Variants in GNB1 observed in about 807,000 individuals in gnomAD.
The protein encoded by GNB1 is G protein subunit beta 1, also known as guanine nucleotide-binding protein G(I)/G(S)/G(T) subunit beta-1.
A neutral mutation model predicts 42.9 loss-of-function variants in GNB1; 2 were observed. That is an observed-to-expected ratio of 0.05 (90% CI 0.02 to 0.15). The LOEUF (loss-of-function observed/expected upper bound fraction) is 0.15, where lower values mean the gene tolerates loss of function less well. GNB1 is among the 10% of genes least tolerant of loss of function. The pLI, the probability that GNB1 is intolerant of heterozygous loss-of-function variation, is 1.00. For synonymous variants in GNB1, 183 were observed against 174.7 expected, an observed-to-expected ratio of 1.05 and a Z score of -0.38; for missense variants, 193 against 462.2, an observed-to-expected ratio of 0.42 and a Z score of 5.34.
At chr1:1,832,222 T>C (rs560491049) in intron 2 of GNB1, 2 of 152,158 alleles carry the variant, frequency 1.3e-5, no homozygotes, top group Admixed American at 6.5e-5. Context: ...ATTTTAAAAG[T>C]CTTACTCACA....
intron 4 of GNB1, among the ~76,000 whole-genome samples, chr1:1,817,133 C>T (rs1646869014): frequency 1.3e-5 from 2 of 152,184 alleles, no homozygotes; most frequent in Admixed American, 1.3e-4. Context: ...CTGCTGGCCA[C>T]TAGTCCACTC....
chr1:1,805,935 A>G (rs1646690798), intron 6 of GNB1, among the ~76,000 whole-genome samples: 1 of 152,240 alleles, frequency 6.6e-6, no homozygotes, highest in South Asian at 2.1e-4. Flanking sequence ...GCTGTAATTA[A>G]TGCAATCATT....
At chr1:1,856,911 G>A (rs958185341) in intron 1 of GNB1, among the ~76,000 whole-genome samples, 1 of 152,204 alleles carries the variant, frequency 6.6e-6, no homozygotes, top group Non-Finnish European at 1.5e-5. Context: ...TCACTCTTCT[G>A]AGGGAAGTAT....
chr1:1,841,179 T>C (rs945849873), intron 1 of GNB1, among the ~76,000 whole-genome samples: 2 of 151,880 alleles, frequency 1.3e-5, no homozygotes, highest in African/African-American at 4.8e-5. Flanking sequence ...CGTGAGCCAC[T>C]GCACATGGCC....
At chr1:1,867,984 G>A (rs192595746) in intron 1 of GNB1, among the ~76,000 whole-genome samples, 11 of 152,090 alleles carry the variant, frequency 7.2e-5, no homozygotes, top group South Asian at 2.1e-4. Flanking sequence ...ACTAGGAAAC[G>A]TTCCCCCTTT....
chr1:1,856,649 A>G (rs1174567465), intron 1 of GNB1, among the ~76,000 whole-genome samples: 5 of 150,946 alleles, frequency 3.3e-5, no homozygotes, highest in Non-Finnish European at 7.4e-5. Flanking sequence ...GATAGTCTCC[A>G]TCTCTTCACC....
intron 7 of GNB1, among the ~76,000 whole-genome samples, chr1:1,800,775 A>T (rs1646614909): frequency 1.3e-5 from 2 of 152,002 alleles, no homozygotes; most frequent in Admixed American, 6.5e-5. Flanking sequence ...AAAAAAAGAA[A>T]AATAAATTAA....
intron 1 of GNB1, among the ~76,000 whole-genome samples, chr1:1,845,881 C>T (rs531331190): frequency 6.8e-6 from 1 of 146,870 alleles, no homozygotes; most frequent in East Asian, 2.0e-4. Context: ...ACGTATATCT[C>T]CTATCTCTTG....
chr1:1,819,074 AG>A (rs2100908135), intron 3 of GNB1, among the ~76,000 whole-genome samples: 1 of 152,266 alleles, frequency 6.6e-6, no homozygotes, highest in East Asian at 1.9e-4. Context: ...TTCATTACTA[AG>A]GGATCAAAGT....
At position 1,854,876 on chromosome 1, in the gene GNB1, T is replaced by C. The variant is rs115145163; in HGVS notation, c.-95-15638A>G. Among the ~76,000 whole-genome samples, 1,253 of 152,184 alleles carry C rather than the reference T, an allele frequency of 8.2e-3. 21 individuals are homozygous for C. Among genetic ancestry groups the C allele is most frequent in the African/African-American group, 0.029 (1,216 of 41,518 alleles). ...GGTGAAACCCCATCTCTACTAAAAA[T>C]ACATCCGGGCGTGGTGGCTCACGCC... On this transcript the variant is annotated intron_variant, in intron 1 of 11. Coordinates refer to ENST00000378609, the MANE Select transcript of GNB1 (RefSeq NM_002074.5).
chr1:1,879,660 G>A (rs370114086), intron 1 of GNB1, among the ~76,000 whole-genome samples: 8 of 148,554 alleles, frequency 5.4e-5, no homozygotes, highest in East Asian at 2.0e-4. Context: ...AGCCAAGATC[G>A]CACCACTGCA....
intron 1 of GNB1, among the ~76,000 whole-genome samples, 180 bp downstream of exon 1, chr1:1,890,640 G>A (rs924987676): frequency 2.7e-5 from 4 of 147,796 alleles, no homozygotes; most frequent in African/African-American, 9.8e-5. Flanking sequence ...CCCCGACCCT[G>A]CACCCCGAAC....
intron 4 of GNB1, 43 bp from the exon 5 acceptor site, chr1:1,815,905 A>C: frequency 8.4e-7 from 1 of 1,196,168 alleles, no homozygotes; most frequent in Non-Finnish European, 1.2e-6. Flanking sequence ...TCTGTGATTA[A>C]ACGATTCTCC....
intron 1 of GNB1, among the ~76,000 whole-genome samples, chr1:1,889,312 T>C (rs1477610099): frequency 6.6e-6 from 1 of 152,204 alleles, no homozygotes; most frequent in Non-Finnish European, 1.5e-5. Flanking sequence ...TTGAGACTAA[T>C]GTTATCAGAT....
chr1:1,827,425 G>A (rs929903010), intron 2 of GNB1, among the ~76,000 whole-genome samples: 1 of 152,208 alleles, frequency 6.6e-6, no homozygotes, highest in Non-Finnish European at 1.5e-5. Context: ...TTTTAATCAT[G>A]AGGAAAGCTT....
intron 1 of GNB1, among the ~76,000 whole-genome samples, chr1:1,881,270 C>G (rs1649832128): frequency 6.6e-6 from 1 of 152,120 alleles, no homozygotes; most frequent in Non-Finnish European, 1.5e-5. Flanking sequence ...GGTCCAGACC[C>G]CTTTCCTCTT....
intron 1 of GNB1, among the ~76,000 whole-genome samples, chr1:1,856,729 A>C (rs1203729370): frequency 6.6e-6 from 1 of 152,152 alleles, no homozygotes; most frequent in Non-Finnish European, 1.5e-5. Flanking sequence ...CCTGGCCTAG[A>C]ATTTCTTAAT....
At chr1:1,788,812 T>G (rs1040640620) in intron 10 of GNB1, 6 of 482,064 alleles carry the variant, frequency 1.2e-5, no homozygotes, top group Non-Finnish European at 1.9e-5. Flanking sequence ...GACCCTCTCC[T>G]GCCCACTGAC....
At chr1:1,880,250 A>C (rs1649766783) in intron 1 of GNB1, among the ~76,000 whole-genome samples, 1 of 152,192 alleles carries the variant, frequency 6.6e-6, no homozygotes. Context: ...GTATTTCTAT[A>C]GAATTTTTAT....
Sources: allele counts gnomAD v4.1 joint callset (sites outside exome capture counted in the v4.1 genomes callset), GRCh38; gene constraint gnomAD v4.1.1; transcripts MANE v1.5; gene names NCBI Gene and HGNC (gene_info 2026-07-23, HGNC 2026-07-21).